CYP19A1: variants seen among roughly 807,000 people sequenced by gnomAD.
CYP19A1 encodes cytochrome P450 family 19 subfamily A member 1.
CYP19A1 carries 32 observed loss-of-function variants against 44.4 expected under a neutral mutation model. The observed-to-expected ratio is 0.72, with a 90% confidence interval of 0.54 to 0.97. The LOEUF is 0.97. CYP19A1 is among the 50% of genes least tolerant of loss of function. The pLI is 0.00. For missense variants in CYP19A1, 598 were observed against 637.8 expected (o/e 0.94, Z 0.67); for synonymous variants, 212 against 215.6 (o/e 0.98, Z 0.14).
intron 1 of CYP19A1, among the ~76,000 whole-genome samples, chr15:51,303,280 C>T (rs916685375): frequency 1.5e-4 from 23 of 152,208 alleles, no homozygotes; most frequent in African/African-American, 5.5e-4. Context: ...CAGGCTGGGC[C>T]AGGGAGGCCT....
chr15:51,275,924 C>T (rs1566907416), intron 1 of CYP19A1, among the ~76,000 whole-genome samples: 1 of 152,172 alleles, frequency 6.6e-6, no homozygotes, highest in Non-Finnish European at 1.5e-5. Flanking sequence ...GTCCCCCCGG[C>T]CAGCCCCACA....
At chr15:51,309,493 C>T (rs2036273516) in intron 1 of CYP19A1, among the ~76,000 whole-genome samples, 1 of 152,190 alleles carries the variant, frequency 6.6e-6, no homozygotes, top group Non-Finnish European at 1.5e-5. Context: ...ACTAAAAGTG[C>T]TATCTGAACA....
At chr15:51,295,916 A>C (rs1467685536) in intron 1 of CYP19A1, among the ~76,000 whole-genome samples, 1 of 152,168 alleles carries the variant, frequency 6.6e-6, no homozygotes, top group Non-Finnish European at 1.5e-5. Flanking sequence ...AAAGGCAGAC[A>C]AAAAGAATGT....
intron 5 of CYP19A1, chr15:51,221,951 A>T: frequency 3.8e-6 from 1 of 261,754 alleles, no homozygotes; most frequent in Non-Finnish European, 7.4e-6. Context: ...GTGTGTGTAT[A>T]TATGTGTGGG....
At chr15:51,235,201 A>G (rs3784308) in intron 3 of CYP19A1, among the ~76,000 whole-genome samples, 19,202 of 152,236 alleles carry the variant, frequency 0.13, 2,045 homozygotes, top group African/African-American at 0.27. Flanking sequence ...GGCTGACTAG[A>G]GCCTAATAGA....
At chr15:51,235,469 A>G (rs1282535596) in intron 3 of CYP19A1, among the ~76,000 whole-genome samples, 2 of 152,188 alleles carry the variant, frequency 1.3e-5, no homozygotes, top group East Asian at 1.9e-4. Context: ...AATGAACCCA[A>G]TGAAATGATG....
At chr15:51,331,933 A>G (rs2036708155) in intron 1 of CYP19A1, among the ~76,000 whole-genome samples, 1 of 149,402 alleles carries the variant, frequency 6.7e-6, no homozygotes, top group South Asian at 2.1e-4. Flanking sequence ...ATATATATAT[A>G]TACACACATA....
chr15:51,247,422 T>C (rs1439824647), intron 1 of CYP19A1, among the ~76,000 whole-genome samples: 1 of 152,062 alleles, frequency 6.6e-6, no homozygotes, highest in Non-Finnish European at 1.5e-5. Flanking sequence ...TCTGTCAACC[T>C]CCTCCTGACC....
intron 1 of CYP19A1, among the ~76,000 whole-genome samples, chr15:51,329,627 C>A (rs2036669163): frequency 6.6e-6 from 1 of 152,210 alleles, no homozygotes; most frequent in African/African-American, 2.4e-5. Flanking sequence ...TGTCAGTGGG[C>A]AGAGGGTGCT....
intron 1 of CYP19A1, among the ~76,000 whole-genome samples, chr15:51,287,015 T>A (rs891947952): frequency 9.9e-5 from 15 of 152,126 alleles, no homozygotes; most frequent in Non-Finnish European, 5.9e-5. Context: ...ATCTGTGAGG[T>A]GGGTGGCATC....
chr15:51,261,929 C>T (rs1228057804), intron 1 of CYP19A1, among the ~76,000 whole-genome samples: 1 of 152,262 alleles, frequency 6.6e-6, no homozygotes, highest in Admixed American at 6.5e-5. Flanking sequence ...TCTGAAAGTC[C>T]CTCCTTTCCC....
intron 1 of CYP19A1, among the ~76,000 whole-genome samples, chr15:51,285,729 C>T (rs761671099): frequency 6.6e-6 from 1 of 152,152 alleles, no homozygotes; most frequent in Admixed American, 6.5e-5. Context: ...CTTGCCCTTT[C>T]GACCCCCACA....
intron 8 of CYP19A1, among the ~76,000 whole-genome samples, chr15:51,214,824 C>T (rs2031404407): frequency 6.6e-6 from 1 of 152,168 alleles, no homozygotes; most frequent in South Asian, 2.1e-4. Flanking sequence ...TCACTTACTG[C>T]TTTACACATC....
chr15:51,254,295 G>A (rs1289930648), intron 1 of CYP19A1, among the ~76,000 whole-genome samples: 4 of 152,276 alleles, frequency 2.6e-5, no homozygotes, highest in African/African-American at 9.6e-5. Flanking sequence ...ACGTCTCATA[G>A]TCGACAAGAA....
chr15:51,211,837 T>G (rs1287492064), intron 9 of CYP19A1, among the ~76,000 whole-genome samples: 1 of 152,194 alleles, frequency 6.6e-6, no homozygotes, highest in East Asian at 1.9e-4. Flanking sequence ...TAAGTCCTAT[T>G]TAGAATGGGA....
intron 1 of CYP19A1, among the ~76,000 whole-genome samples, chr15:51,335,681 C>G (rs11070845): frequency 0.16 from 25,021 of 152,174 alleles, 2,366 homozygotes; most frequent in South Asian, 0.26. Context: ...TCCATAGTGA[C>G]AGAAGCCACT....
intron 1 of CYP19A1, among the ~76,000 whole-genome samples, chr15:51,314,803 A>G (rs765755817): frequency 5.3e-5 from 8 of 152,102 alleles, no homozygotes; most frequent in Non-Finnish European, 1.2e-4. Flanking sequence ...GAGAATGGCT[A>G]TTGCTTTTGT....
intron 1 of CYP19A1, chr15:51,277,956 T>TG (rs2140965968): frequency 7.2e-6 from 1 of 138,526 alleles, no homozygotes; most frequent in East Asian, 2.0e-4. Context: ...TTGCATGAGT[T>TG]TTTTTTTTTT....
intron 1 of CYP19A1, among the ~76,000 whole-genome samples, chr15:51,257,759 G>A (rs998285678): frequency 6.6e-6 from 1 of 151,104 alleles, no homozygotes; most frequent in African/African-American, 2.4e-5. Flanking sequence ...TGAAGGTCAA[G>A]TTTTTTTTTT....
Sources: gnomAD v4.1 joint callset for allele counts (sites outside exome capture counted in the v4.1 genomes callset) on GRCh38, gnomAD v4.1.1 for gene constraint, MANE v1.5 for transcripts, NCBI Gene and HGNC (gene_info 2026-07-23, HGNC 2026-07-21) for gene names.